WARS2: variants seen among roughly 807,000 people sequenced by gnomAD.
WARS2 encodes tryptophan--tRNA ligase, mitochondrial.
In WARS2, 28 loss-of-function variants were observed where a neutral mutation model predicts 36.5. That is an observed-to-expected ratio of 0.77 (90% CI 0.57 to 1.05). WARS2 has a LOEUF of 1.05. Among genes scored for constraint, WARS2 ranks in the 50% least tolerant of loss-of-function variants. WARS2 has a pLI of 0.00. For synonymous variants in WARS2, 174 were observed against 178.4 expected (o/e 0.98, Z 0.20); for missense variants, 435 against 456.8 (o/e 0.95, Z 0.44).
Position 119,076,388 on chromosome 1 carries a change from T to C in WARS2, c.310A>G (p.Ile104Val). Residue 104 changes from isoleucine (I) to valine (V), a missense_variant, in exon 2 of 6, where the codon ATA (isoleucine) becomes GTA (valine). Coordinates refer to ENST00000235521, the MANE Select transcript of WARS2 (RefSeq NM_015836.4). ...AAAAGGATGCTTTTTTCCGGGTTTA[T>C]GCCACAGGCAAGAAGAACAGCAGTC... ...DMTAVLLACG[I>V]NPEKSILFQQ... is the part of the protein sequence containing the mutation. The C allele has an allele frequency of 1.2e-6, 2 of 1,614,140 alleles. No homozygotes were observed. Among genetic ancestry groups the C allele is most frequent in the Admixed American group, 1.7e-5 (1 of 60,014 alleles).
chr1:119,072,968 A>T (rs1363047793), intron 2 of WARS2, among the ~76,000 whole-genome samples: 1 of 152,000 alleles, frequency 6.6e-6, no homozygotes, highest in Non-Finnish European at 1.5e-5. Context: ...CAGCCTGGAC[A>T]ACGTTGTGAG....
chr1:119,058,968 C>G (rs1334935147), intron 2 of WARS2, among the ~76,000 whole-genome samples: 1 of 152,020 alleles, frequency 6.6e-6, no homozygotes, highest in Non-Finnish European at 1.5e-5. Flanking sequence ...TCTCCAGGAC[C>G]TGTTGTTTCC....
At position 119,076,825 on chromosome 1, in the gene WARS2, G is replaced by T. The variant is rs12045138; in HGVS notation, c.91-218C>A. ...AAAAATGTTTTTGCACTCAAACATG[G>T]ACAAATGCAAAGACATATAAGAAAA... On this transcript the variant is annotated intron_variant, in intron 1 of 5. Transcript: ENST00000235521. 0.47 allele frequency among the ~76,000 whole-genome samples: 71,520 copies of T among 151,890 alleles called. 18,079 individuals carry two copies. Among genetic ancestry groups the T allele is most frequent in the African/African-American group, 0.65 (27,108 of 41,434 alleles).
At chr1:119,110,957 A>T (rs910157168) in intron 1 of WARS2, among the ~76,000 whole-genome samples, 1 of 152,106 alleles carries the variant, frequency 6.6e-6, no homozygotes, top group African/African-American at 2.4e-5. Context: ...CACTTCTAAT[A>T]CAATGTTTTT....
intron 1 of WARS2, among the ~76,000 whole-genome samples, chr1:119,135,411 G>T (rs587696972): frequency 6.6e-6 from 1 of 152,142 alleles, no homozygotes; most frequent in African/African-American, 2.4e-5. Flanking sequence ...ATATAACAGG[G>T]ATTCATGTAA....
chr1:119,126,630 C>A, intron 1 of WARS2: 3 of 697,518 alleles, frequency 4.3e-6, no homozygotes, highest in Admixed American at 3.6e-5. Flanking sequence ...AAAACTATTA[C>A]CTTCACCACG....
Position 119,033,261 on chromosome 1 carries a change from C to A in WARS2, c.733G>T (p.Glu245Ter). The change falls in exon 6 of 6, where the codon GAG (glutamate) becomes TAG (stop). Residue 245 changes from glutamate (E) to a stop codon, truncating the protein, a stop_gained. Coordinates refer to ENST00000235521, the MANE Select transcript of WARS2 (RefSeq NM_015836.4). LOFTEE classifies it high-confidence loss of function. ...TTGCGGAATTTCTGCACTATCTCCT[C>A]TGGGCTGTCTGTTATTCGGACGGTG... is the stretch of plus-strand genomic sequence containing the variant. ...LATVRITDSP[E>*]EIVQKFRKAV... 6.2e-7 allele frequency: 1 copy of A among 1,614,262 alleles called. No homozygotes were observed. The highest frequency in any genetic ancestry group is 8.5e-7 in the Non-Finnish European group (1 of 1,180,040).
At chr1:119,033,716 A>G (rs1225345584) in intron 5 of WARS2, among the ~76,000 whole-genome samples, 1 of 152,192 alleles carries the variant, frequency 6.6e-6, no homozygotes, top group Non-Finnish European at 1.5e-5. Context: ...ATGTGTGTTA[A>G]ATGCATTTTT....
chr1:119,087,767 T>A (rs1383459200), intron 1 of WARS2, among the ~76,000 whole-genome samples: 2 of 152,250 alleles, frequency 1.3e-5, no homozygotes, highest in African/African-American at 4.8e-5. Flanking sequence ...AGGTTAAACA[T>A]CCTCATGCAT....
intron 1 of WARS2, chr1:119,085,552 C>G (rs1652583248): frequency 1.9e-5 from 31 of 1,611,332 alleles, no homozygotes; most frequent in Non-Finnish European, 2.5e-5. Flanking sequence ...GCCCCACAGC[C>G]CTTCTCCTGG....
At chr1:119,087,384 G>A (rs1254233968) in intron 1 of WARS2, among the ~76,000 whole-genome samples, 3 of 152,146 alleles carry the variant, frequency 2.0e-5, no homozygotes, top group Non-Finnish European at 4.4e-5. Flanking sequence ...TAAGTCATAT[G>A]TTTCAGTTGC....
chr1:119,125,167 A>G (rs184766332), intron 1 of WARS2, among the ~76,000 whole-genome samples: 1 of 152,296 alleles, frequency 6.6e-6, no homozygotes, highest in Admixed American at 6.5e-5. Context: ...CAAACATGAC[A>G]GTTTAGCCCC....
At chr1:119,067,004 C>G (rs1650935734) in intron 2 of WARS2, among the ~76,000 whole-genome samples, 2 of 152,190 alleles carry the variant, frequency 1.3e-5, no homozygotes, top group South Asian at 2.1e-4. Context: ...ATATCCTTTG[C>G]CAGGAAAATG....
intron 4 of WARS2, among the ~76,000 whole-genome samples, chr1:119,038,668 G>A (rs193254207): frequency 3.9e-5 from 6 of 151,938 alleles, no homozygotes; most frequent in African/African-American, 1.4e-4. Flanking sequence ...TTTTGCTTTT[G>A]TTTTCAGTCT....
At chr1:119,099,347 C>T (rs1271475812) in intron 1 of WARS2, among the ~76,000 whole-genome samples, 2 of 151,918 alleles carry the variant, frequency 1.3e-5, no homozygotes, top group African/African-American at 4.8e-5. Context: ...TTTTTTAATC[C>T]CAATCTTTAA....
intron 2 of WARS2, among the ~76,000 whole-genome samples, chr1:119,069,809 G>C (rs1005772611): frequency 6.6e-6 from 1 of 152,134 alleles, no homozygotes; most frequent in Non-Finnish European, 1.5e-5. Flanking sequence ...GTGAGGCTAG[G>C]GCAGGAGTGA....
intron 1 of WARS2, among the ~76,000 whole-genome samples, chr1:119,098,409 T>C (rs1416261364): frequency 6.6e-6 from 1 of 152,190 alleles, no homozygotes; most frequent in East Asian, 1.9e-4. Flanking sequence ...AGATGTTATG[T>C]GATAATTTCC....
chr1:119,112,960 T>A (rs1654742838), intron 1 of WARS2, among the ~76,000 whole-genome samples: 2 of 152,172 alleles, frequency 1.3e-5, no homozygotes, highest in African/African-American at 4.8e-5. Flanking sequence ...CTACCATGAC[T>A]GACCGTAAGG....
chr1:119,134,449 T>C (rs1268049634), intron 1 of WARS2, among the ~76,000 whole-genome samples: 2 of 151,402 alleles, frequency 1.3e-5, no homozygotes, highest in South Asian at 4.2e-4. Context: ...CAGAAGACTG[T>C]GTGGCAAGAA....
Sources: gnomAD v4.1 joint callset for allele counts (sites outside exome capture counted in the v4.1 genomes callset) on GRCh38, gnomAD v4.1.1 for gene constraint, MANE v1.5 for transcripts, NCBI Gene and HGNC (gene_info 2026-07-23, HGNC 2026-07-21) for gene names.